The following ATP2B2 variants were observed in gnomAD, a reference collection of about 807,000 sequenced individuals.
The protein encoded by ATP2B2 is ATPase plasma membrane Ca2+ transporting 2.
In ATP2B2, 15 loss-of-function variants were observed where a neutral mutation model predicts 120.0. The observed-to-expected ratio is 0.12, with a 90% confidence interval of 0.08 to 0.19. ATP2B2 has a LOEUF of 0.19. Among genes scored for constraint, ATP2B2 ranks in the 10% least tolerant of loss-of-function variants. ATP2B2 has a pLI of 1.00. For missense variants in ATP2B2, 1,045 were observed against 1,719.8 expected, an observed-to-expected ratio of 0.61 and a Z score of 6.94; for synonymous variants, 694 against 700.3, an observed-to-expected ratio of 0.99 and a Z score of 0.14.
chr3:10,617,846 C>A (rs965179331), intron 2 of ATP2B2, among the ~76,000 whole-genome samples: 1 of 151,542 alleles, frequency 6.6e-6, no homozygotes, highest in Non-Finnish European at 1.5e-5. Context: ...CAAGGGAGCA[C>A]GAGCTGGTGT....
At chr3:10,367,359 C>T (rs1346918372) in intron 12 of ATP2B2, among the ~76,000 whole-genome samples, 4 of 151,988 alleles carry the variant, frequency 2.6e-5, no homozygotes, top group Non-Finnish European at 5.9e-5. Flanking sequence ...GGTAGGTTCC[C>T]TTCTGTTTCT....
intron 2 of ATP2B2, chr3:10,619,825 C>T (rs1460894553): frequency 6.6e-6 from 1 of 152,214 alleles, no homozygotes; most frequent in African/African-American, 2.4e-5. Flanking sequence ...GTTTCTAAAT[C>T]AAGGCTGCCA....
chr3:10,495,494 G>A (rs1455937297), intron 1 of ATP2B2, among the ~76,000 whole-genome samples: 1 of 152,236 alleles, frequency 6.6e-6, no homozygotes, highest in East Asian at 1.9e-4. Flanking sequence ...GGAGCCCCTA[G>A]CATCGAAATT....
chr3:10,460,745 GC>G (rs1219574745), intron 1 of ATP2B2, among the ~76,000 whole-genome samples: 1 of 152,194 alleles, frequency 6.6e-6, no homozygotes, highest in Non-Finnish European at 1.5e-5. Flanking sequence ...GTCCATCAGT[GC>G]CATCTGCCAC....
intron 2 of ATP2B2, among the ~76,000 whole-genome samples, chr3:10,413,881 G>A (rs2062695642): frequency 6.6e-6 from 1 of 152,236 alleles, no homozygotes; most frequent in South Asian, 2.1e-4. Flanking sequence ...CAAGGGAGAA[G>A]GGAGAGTTCA....
intron 1 of ATP2B2, among the ~76,000 whole-genome samples, chr3:10,633,684 T>G (rs1400588190): frequency 6.6e-6 from 1 of 152,192 alleles, no homozygotes; most frequent in African/African-American, 2.4e-5. Context: ...GTAGACTAAC[T>G]TAACTTTTAA....
chr3:10,611,793 A>G (rs2069246350), intron 2 of ATP2B2, among the ~76,000 whole-genome samples: 1 of 152,178 alleles, frequency 6.6e-6, no homozygotes, highest in East Asian at 1.9e-4. Context: ...ACGTTGGACC[A>G]GTGACTCCAT....
At chr3:10,440,402 G>T (rs903601232) in intron 2 of ATP2B2, among the ~76,000 whole-genome samples, 57 of 152,170 alleles carry the variant, frequency 3.7e-4, no homozygotes, top group African/African-American at 1.4e-3. Flanking sequence ...TATCCAACCT[G>T]ACAGTCTACA....
chr3:10,380,215 G>C (rs1002031341), intron 8 of ATP2B2, among the ~76,000 whole-genome samples: 1 of 152,246 alleles, frequency 6.6e-6, no homozygotes, highest in Non-Finnish European at 1.5e-5. Flanking sequence ...CCAGGAGCTT[G>C]TGGGCTGGGT....
chr3:10,671,120 C>T (rs2071084222), intron 1 of ATP2B2, among the ~76,000 whole-genome samples: 1 of 152,206 alleles, frequency 6.6e-6, no homozygotes, highest in South Asian at 2.1e-4. Context: ...GATCAGCAGG[C>T]TGGCCTGAAT....
intron 2 of ATP2B2, among the ~76,000 whole-genome samples, chr3:10,582,220 G>A (rs1376622289): frequency 1.3e-5 from 2 of 152,134 alleles, no homozygotes; most frequent in African/African-American, 4.8e-5. Context: ...GGGGATCTGG[G>A]CGTGTTGGCC....
intron 3 of ATP2B2, among the ~76,000 whole-genome samples, chr3:10,404,543 A>C (rs1020949637): frequency 1.3e-5 from 2 of 152,260 alleles, no homozygotes; most frequent in African/African-American, 4.8e-5. Context: ...TGCAGTGAGC[A>C]CACAGTAAAT....
At chr3:10,371,671 TG>T in intron 12 of ATP2B2, 137 bp downstream of exon 12, 1 of 1,295,006 alleles carries the variant, frequency 7.7e-7, no homozygotes, top group Non-Finnish European at 1.1e-6. Context: ...AACAGAAACA[TG>T]TTGCTTACTA....
At chr3:10,632,255 G>C (rs756989856) in intron 1 of ATP2B2, among the ~76,000 whole-genome samples, 30 of 152,144 alleles carry the variant, frequency 2.0e-4, no homozygotes, top group Admixed American at 5.9e-4. Context: ...CTCCCTATAA[G>C]ATTAACAACT....
At chr3:10,467,382 C>G (rs2064792702) in intron 1 of ATP2B2, among the ~76,000 whole-genome samples, 1 of 152,212 alleles carries the variant, frequency 6.6e-6, no homozygotes, top group South Asian at 2.1e-4. Flanking sequence ...GCTCCAGGGG[C>G]CCCTTCCTGA....
chr3:10,591,683 G>C (rs889093118), intron 2 of ATP2B2, among the ~76,000 whole-genome samples: 2 of 152,150 alleles, frequency 1.3e-5, no homozygotes, highest in Admixed American at 6.5e-5. Flanking sequence ...CTTCAAAAGG[G>C]ATGAATAACT....
At chr3:10,518,012 T>C (rs2066910061) in intron 3 of ATP2B2, among the ~76,000 whole-genome samples, 1 of 144,688 alleles carries the variant, frequency 6.9e-6, no homozygotes, top group African/African-American at 2.6e-5. Flanking sequence ...GCATTCCAGG[T>C]AGCAGGCACA....
chr3:10,481,515 T>C (rs1392202251), intron 1 of ATP2B2, among the ~76,000 whole-genome samples: 1 of 152,178 alleles, frequency 6.6e-6, no homozygotes. Context: ...GTCATCACGC[T>C]CTTCCCGCTG....
chr3:10,595,008 A>G (rs1047067938), intron 2 of ATP2B2, among the ~76,000 whole-genome samples: 4 of 152,242 alleles, frequency 2.6e-5, no homozygotes, highest in African/African-American at 4.8e-5. Flanking sequence ...TCGAAGACCA[A>G]TGCAATCGGA....
Sources: gnomAD v4.1 joint callset for allele counts (sites outside exome capture counted in the v4.1 genomes callset) on GRCh38, gnomAD v4.1.1 for gene constraint, MANE v1.5 for transcripts, NCBI Gene and HGNC (gene_info 2026-07-23, HGNC 2026-07-21) for gene names.